The following UBE2G1 variants were observed in gnomAD, a reference collection of about 807,000 sequenced individuals.
UBE2G1 encodes the protein ubiquitin-conjugating enzyme E2 G1.
Under a neutral mutation model 22.7 loss-of-function variants are expected in UBE2G1, and 5 were observed. That is an observed-to-expected ratio of 0.22 (90% CI 0.12 to 0.46). UBE2G1 has a LOEUF of 0.46. UBE2G1 is among the 20% of genes least tolerant of loss of function. The probability of loss-of-function intolerance (pLI) is 0.99; values close to 1 mark genes in which losing one functional copy is unlikely to be tolerated. For synonymous variants in UBE2G1, 74 were observed against 67.5 expected (o/e 1.10, Z -0.47); for missense variants, 88 against 203.9 (o/e 0.43, Z 3.46).
At chr17:4,297,199 C>A (rs1205971762) in intron 2 of UBE2G1, among the ~76,000 whole-genome samples, 1 of 152,206 alleles carries the variant, frequency 6.6e-6, no homozygotes, top group East Asian at 1.9e-4. Context: ...CTTTCTATTC[C>A]TCAAACACAT....
intron 1 of UBE2G1, among the ~76,000 whole-genome samples, chr17:4,307,509 C>A (rs1219813534): frequency 6.6e-6 from 1 of 152,214 alleles, no homozygotes; most frequent in Non-Finnish European, 1.5e-5. Flanking sequence ...TCAGGGTATA[C>A]TTTCAGAGTG....
intron 4 of UBE2G1, 149 bp from the exon 5 acceptor site, chr17:4,283,070 T>C (rs377017434): frequency 1.5e-6 from 1 of 653,166 alleles, no homozygotes; most frequent in Non-Finnish European, 2.5e-6. Flanking sequence ...CAGTTAGACA[T>C]ACTTTTTCAA....
At chr17:4,329,485 G>C (rs9900787) in intron 1 of UBE2G1, among the ~76,000 whole-genome samples, 5,441 of 151,830 alleles carry the variant, frequency 0.036, 368 homozygotes, top group African/African-American at 0.12. Context: ...TTGATCCCAG[G>C]AGGTAGAGGT....
chr17:4,302,253 C>A, intron 2 of UBE2G1: 1 of 468,854 alleles, frequency 2.1e-6, no homozygotes, highest in East Asian at 5.6e-5. Context: ...CTCCCACACC[C>A]CAGTATTTGG....
intron 1 of UBE2G1, among the ~76,000 whole-genome samples, chr17:4,351,018 G>T (rs1040891290): frequency 6.7e-6 from 1 of 149,758 alleles, no homozygotes; most frequent in Non-Finnish European, 1.5e-5. Flanking sequence ...GGGCGACAGA[G>T]CAAGACTTCG....
chr17:4,284,537 G>A (rs1392400621), intron 4 of UBE2G1, among the ~76,000 whole-genome samples: 2 of 151,612 alleles, frequency 1.3e-5, no homozygotes, highest in East Asian at 3.9e-4. Flanking sequence ...GGAGGCAAAG[G>A]TTGCAGTGAG....
At chr17:4,365,555 G>A (rs78863054) in intron 1 of UBE2G1, among the ~76,000 whole-genome samples, 4,913 of 152,160 alleles carry the variant, frequency 0.032, 295 homozygotes, top group African/African-American at 0.11. Context: ...CCGGAATCGC[G>A]GCGAGCACAA....
At chr17:4,316,160 G>A (rs1295341675) in intron 1 of UBE2G1, among the ~76,000 whole-genome samples, 1 of 152,074 alleles carries the variant, frequency 6.6e-6, no homozygotes, top group Non-Finnish European at 1.5e-5. Flanking sequence ...AATACAAACT[G>A]AGGTTTACAG....
At chr17:4,365,847 C>CG (rs1348075194) in intron 1 of UBE2G1, among the ~76,000 whole-genome samples, 3 of 152,192 alleles carry the variant, frequency 2.0e-5, no homozygotes, top group African/African-American at 4.8e-5. Flanking sequence ...GACACCGAGC[C>CG]GGGGACTCGC....
intron 5 of UBE2G1, among the ~76,000 whole-genome samples, chr17:4,275,607 TA>T (rs530739680): frequency 6.6e-6 from 1 of 152,114 alleles, no homozygotes; most frequent in Non-Finnish European, 1.5e-5. Context: ...TAAAAAGATC[TA>T]AAAAAATATA....
intron 5 of UBE2G1, among the ~76,000 whole-genome samples, chr17:4,277,150 G>A (rs1968830448): frequency 6.6e-6 from 1 of 152,164 alleles, no homozygotes; most frequent in African/African-American, 2.4e-5. Context: ...CTTATGGAGA[G>A]GTCTTCAGTA....
chr17:4,354,338 T>C (rs1476563697), intron 1 of UBE2G1, among the ~76,000 whole-genome samples: 5 of 152,100 alleles, frequency 3.3e-5, no homozygotes, highest in Admixed American at 2.0e-4. Context: ...AGCATCCCAA[T>C]AGTACACAAA....
chr17:4,279,784 GTTATATATATAT>G (rs1414405903), intron 5 of UBE2G1, among the ~76,000 whole-genome samples: 2 of 66,478 alleles, frequency 3.0e-5, no homozygotes, highest in Non-Finnish European at 5.3e-5. Flanking sequence ...CCAAAAAAAA[GTTATATATATAT>G]ATATATATAT....
intron 2 of UBE2G1, chr17:4,302,388 A>G (rs1969193784): frequency 2.0e-6 from 1 of 492,228 alleles, no homozygotes; most frequent in Admixed American, 2.2e-5. Flanking sequence ...GTCTTCTGGG[A>G]ATCTCCTATT....
chr17:4,315,793 G>C (rs1476266455), intron 1 of UBE2G1, among the ~76,000 whole-genome samples: 1 of 101,276 alleles, frequency 9.9e-6, no homozygotes, highest in African/African-American at 3.2e-5. Flanking sequence ...CAGAAGAAAA[G>C]AGGCTCCTTT....
At chr17:4,310,601 A>G (rs1969298563) in intron 1 of UBE2G1, among the ~76,000 whole-genome samples, 1 of 152,190 alleles carries the variant, frequency 6.6e-6, no homozygotes. Flanking sequence ...GGCCTTTGTA[A>G]GCCCTGCATG....
In UBE2G1 at chr17:4,287,651, T is replaced by C. The variant is rs149522417; in HGVS notation, c.426+1579A>G. Among the ~76,000 whole-genome samples the C allele has an allele frequency of 7.0e-3, 1,060 of 152,300 alleles. 8 individuals are homozygous for C. The highest frequency in any genetic ancestry group is 0.034 in the Middle Eastern group (10 of 294). On this transcript the variant is annotated intron_variant, in intron 4 of 5. Coordinates refer to ENST00000396981, the MANE Select transcript of UBE2G1 (RefSeq NM_003342.5). ...GAGTTATCTATAGTGTCTCAGTCTG[T>C]ATATAAGATTCCACCCAAGTTGTTA...
rs548674085 is a variant in UBE2G1 at position 4,365,725 on chromosome 17, G to A, written c.46+546C>T. On this transcript the variant is annotated intron_variant, in intron 1 of 5. Transcript: ENST00000396981. ...CCCTCGCGCCCGCGTGGAGGCCGCC[G>A]AGGCCAGCGCTTTTGTTGTCGGCCC... 3.1e-3 allele frequency among the ~76,000 whole-genome samples: 475 copies of A among 152,300 alleles called. 3 individuals are homozygous for A. Among genetic ancestry groups the A allele is most frequent in the Non-Finnish European group, 2.6e-3 (179 of 68,010 alleles).
intron 1 of UBE2G1, among the ~76,000 whole-genome samples, chr17:4,325,955 C>CA (rs529754357): frequency 3.3e-5 from 5 of 151,940 alleles, no homozygotes; most frequent in Non-Finnish European, 7.4e-5. Context: ...ACATGATATG[C>CA]AAAAAATAAC....
Sources: allele counts gnomAD v4.1 joint callset (sites outside exome capture counted in the v4.1 genomes callset), GRCh38; gene constraint gnomAD v4.1.1; transcripts MANE v1.5; gene names NCBI Gene and HGNC (gene_info 2026-07-23, HGNC 2026-07-21).